Variants in RPS6KA3 observed in about 807,000 individuals in gnomAD.
The protein encoded by RPS6KA3 is ribosomal protein S6 kinase alpha-3.
In RPS6KA3, 4 loss-of-function variants were observed where a neutral mutation model predicts 67.2. That is an observed-to-expected ratio of 0.06 (90% CI 0.03 to 0.14). The LOEUF (loss-of-function observed/expected upper bound fraction) is 0.14, where lower values mean the gene tolerates loss of function less well. Among genes scored for constraint, RPS6KA3 ranks in the 10% least tolerant of loss-of-function variants. RPS6KA3 has a pLI of 1.00. For missense variants in RPS6KA3, 204 were observed against 559.0 expected (o/e 0.36, Z 6.40); for synonymous variants, 182 against 183.7 (o/e 0.99, Z 0.07).
intron 15 of RPS6KA3, chrX:20,169,718 C>G: frequency 2.4e-6 from 1 of 420,457 alleles, no homozygotes; most frequent in South Asian, 3.1e-5. Context: ...TCCCACCATG[C>G]CTCTCCAATC....
chrX:20,257,678 A>G (rs144208473), intron 1 of RPS6KA3, among the ~76,000 whole-genome samples: 66 of 112,595 alleles, frequency 5.9e-4, no homozygotes, highest in African/African-American at 2.1e-3. Context: ...TGAATGCAAC[A>G]CAATATTTAA....
intron 1 of RPS6KA3, among the ~76,000 whole-genome samples, chrX:20,236,268 A>G (rs935141978): frequency 8.9e-6 from 1 of 111,995 alleles, no homozygotes; most frequent in African/African-American, 3.2e-5. Context: ...AATACGTATT[A>G]TTTGTGTAAT....
intron 2 of RPS6KA3, among the ~76,000 whole-genome samples, chrX:20,215,212 AGTGT>A (rs573108148): frequency 9.5e-5 from 10 of 105,637 alleles, no homozygotes; most frequent in Non-Finnish European, 1.6e-4. Context: ...TCCTTTTCTT[AGTGT>A]GTGTGTGTGT....
intron 1 of RPS6KA3, among the ~76,000 whole-genome samples, chrX:20,242,517 A>AAT (rs2069577158): frequency 2.7e-5 from 3 of 111,755 alleles, no homozygotes; most frequent in African/African-American, 9.7e-5. Context: ...TCAAACCCAG[A>AAT]TCTTTTTAGC....
chrX:20,213,626 G>A (rs1348328574), intron 2 of RPS6KA3, among the ~76,000 whole-genome samples: 1 of 109,738 alleles, frequency 9.1e-6, no homozygotes, highest in Non-Finnish European at 1.9e-5. Flanking sequence ...GTTAATGGGC[G>A]CAGCACACCA....
In RPS6KA3 at chrX:20,175,155, T is replaced by C. The variant is rs776061198; in HGVS notation, c.1227+9A>G. The C allele has an allele frequency of 1.7e-6, 2 of 1,198,652 alleles. No individual in the cohort carries two copies. The highest frequency in any genetic ancestry group is 2.3e-6 in the Non-Finnish European group (2 of 883,517). ...TTCCAAATCTAAAATTATTTAGACA[T>C]CCACTCACCTGAACAATTGAATGTA... is the stretch of plus-strand genomic sequence containing the variant. On this transcript the variant is annotated intron_variant, in intron 14 of 21. Transcript: ENST00000379565.
chrX:20,237,114 T>C (rs1300704285), intron 1 of RPS6KA3, among the ~76,000 whole-genome samples: 1 of 111,836 alleles, frequency 8.9e-6, no homozygotes, highest in Non-Finnish European at 1.9e-5. Flanking sequence ...AACCATAGTG[T>C]CTGGCACTTA....
At chrX:20,162,505 G>A (rs1477273613) in intron 19 of RPS6KA3, among the ~76,000 whole-genome samples, 3 of 107,345 alleles carry the variant, frequency 2.8e-5, no homozygotes, top group Non-Finnish European at 5.8e-5. Flanking sequence ...TAGATAACAC[G>A]AGAAAACATG....
chrX:20,232,346 G>A (rs776785275), intron 2 of RPS6KA3, among the ~76,000 whole-genome samples: 3 of 112,043 alleles, frequency 2.7e-5, no homozygotes, highest in South Asian at 7.4e-4. Flanking sequence ...AGGCCGAGGC[G>A]AGCAGATCAC....
chrX:20,155,926 A>C (rs200723441), intron 21 of RPS6KA3, among the ~76,000 whole-genome samples, 183 bp downstream of exon 21: 8 of 112,490 alleles, frequency 7.1e-5, no homozygotes, highest in Non-Finnish European at 1.1e-4. Flanking sequence ...AGTCGCTCTT[A>C]AACTAGTTTT....
At chrX:20,186,651 G>A (rs2148683534) in intron 9 of RPS6KA3, among the ~76,000 whole-genome samples, 1 of 107,170 alleles carries the variant, frequency 9.3e-6, no homozygotes, top group Non-Finnish European at 1.9e-5. Flanking sequence ...GGAGCCCAGT[G>A]GTGCAATCTC....
In RPS6KA3 at chrX:20,231,061, G is replaced by C. The variant is rs1569255445; in HGVS notation, c.126+3697C>G. Among the ~76,000 whole-genome samples, 3 of 110,727 alleles carry C rather than the reference G, an allele frequency of 2.7e-5. No individual in the cohort carries two copies. The South Asian group carries it at 1.1e-3, about 42-fold the overall frequency. On this transcript the variant is annotated intron_variant, in intron 2 of 21. Transcript: ENST00000379565. ...TGCAGCCTCAAACTTCTGGGTTCAA[G>C]TGATTCTCTGCTTCAGCCTCCCAAG...
At chrX:20,219,756 T>C (rs758531774) in intron 2 of RPS6KA3, among the ~76,000 whole-genome samples, 80 of 111,874 alleles carry the variant, frequency 7.2e-4, no homozygotes, top group African/African-American at 2.5e-3. Context: ...ATTTTTACTT[T>C]GGAAAATGAC....
chrX:20,249,897 C>A (rs1354623085), intron 1 of RPS6KA3, among the ~76,000 whole-genome samples: 1 of 112,274 alleles, frequency 8.9e-6, no homozygotes, highest in East Asian at 2.8e-4. Flanking sequence ...GTTTTACATT[C>A]AAATCCATGA....
At chrX:20,197,724 T>G (rs1370267830) in intron 4 of RPS6KA3, among the ~76,000 whole-genome samples, 1 of 112,018 alleles carries the variant, frequency 8.9e-6, no homozygotes, top group Admixed American at 9.5e-5. Flanking sequence ...CTTTTGCTTA[T>G]GTAAAGACCT....
At chrX:20,215,859 C>T (rs1050737840) in intron 2 of RPS6KA3, among the ~76,000 whole-genome samples, 1 of 112,340 alleles carries the variant, frequency 8.9e-6, no homozygotes, top group Non-Finnish European at 1.9e-5. Context: ...TCTTATGTCA[C>T]TAAATCACCT....
At chrX:20,211,359 G>T (rs1017048197) in intron 2 of RPS6KA3, among the ~76,000 whole-genome samples, 1 of 110,893 alleles carries the variant, frequency 9.0e-6, no homozygotes, top group African/African-American at 3.3e-5. Flanking sequence ...CCAGTAAGTG[G>T]TAGACTTAGG....
At chrX:20,227,604 C>T (rs1481515380) in intron 2 of RPS6KA3, among the ~76,000 whole-genome samples, 2 of 110,645 alleles carry the variant, frequency 1.8e-5, no homozygotes, top group East Asian at 2.8e-4. Flanking sequence ...GAGAGTAGGG[C>T]TTTTTAAAAT....
intron 7 of RPS6KA3, among the ~76,000 whole-genome samples, chrX:20,191,519 C>T (rs1340757631): frequency 9.0e-6 from 1 of 111,506 alleles, no homozygotes; most frequent in African/African-American, 3.3e-5. Context: ...TCTCCACATC[C>T]TCTCCAGCAT....
Sources: allele counts gnomAD v4.1 joint callset (sites outside exome capture counted in the v4.1 genomes callset), GRCh38; gene constraint gnomAD v4.1.1; transcripts MANE v1.5; gene names NCBI Gene and HGNC (gene_info 2026-07-23, HGNC 2026-07-21).